Variants in FRMD5 observed in about 807,000 individuals in gnomAD.
The protein encoded by FRMD5 is FERM domain containing 5, also known as FERM domain-containing protein 5.
Under a neutral mutation model 69.0 loss-of-function variants are expected in FRMD5, and 20 were observed. The observed-to-expected ratio is 0.29, with a 90% CI of 0.20 to 0.42. The LOEUF (loss-of-function observed/expected upper bound fraction) is 0.42. Among genes scored for constraint, FRMD5 ranks in the 10% least tolerant of loss-of-function variants. The pLI is 1.00. For synonymous variants in FRMD5, 271 were observed against 260.1 expected, an observed-to-expected ratio of 1.04 and a Z score of -0.40; for missense variants, 595 against 708.6, an observed-to-expected ratio of 0.84 and a Z score of 1.82.
chr15:43,874,990 G>C (rs1024464904), intron 13 of FRMD5, among the ~76,000 whole-genome samples: 1 of 152,110 alleles, frequency 6.6e-6, no homozygotes, highest in African/African-American at 2.4e-5. Context: ...ATGAGGTAAG[G>C]AGTTCGAGAC....
At chr15:43,973,740 T>C (rs533582565) in intron 1 of FRMD5, among the ~76,000 whole-genome samples, 78 of 152,142 alleles carry the variant, frequency 5.1e-4, no homozygotes, top group African/African-American at 1.9e-3. Flanking sequence ...ATAATACAGC[T>C]ATTAAATCTT....
chr15:44,182,324 C>CTTTTT (rs71111843), intron 1 of FRMD5, among the ~76,000 whole-genome samples: 3 of 85,672 alleles, frequency 3.5e-5, no homozygotes, highest in African/African-American at 1.3e-4. Context: ...CATTGCTTTT[C>CTTTTT]TTTTTTTTTT....
chr15:43,984,038 C>G (rs757801874), intron 1 of FRMD5, among the ~76,000 whole-genome samples: 26 of 152,274 alleles, frequency 1.7e-4, no homozygotes, highest in Middle Eastern at 6.8e-3. Context: ...TAGGAAGTAG[C>G]AAAATTCTGT....
chr15:43,884,646 G>A (rs1567209190), intron 12 of FRMD5, 81 bp downstream of exon 12: 1 of 1,285,486 alleles, frequency 7.8e-7, no homozygotes, highest in Non-Finnish European at 1.1e-6. Context: ...GGAGCCAGGG[G>A]CTTCACAGTA....
chr15:44,171,836 T>C (rs2077809610), intron 1 of FRMD5, among the ~76,000 whole-genome samples: 1 of 152,210 alleles, frequency 6.6e-6, no homozygotes, highest in South Asian at 2.1e-4. Flanking sequence ...TGATCTAGGC[T>C]CACTGTAACT....
At chr15:44,021,484 A>C (rs1891206607) in intron 1 of FRMD5, among the ~76,000 whole-genome samples, 1 of 152,232 alleles carries the variant, frequency 6.6e-6, no homozygotes, top group Non-Finnish European at 1.5e-5. Flanking sequence ...TTATTTTAAA[A>C]ATAGGCAAAG....
intron 1 of FRMD5, among the ~76,000 whole-genome samples, chr15:44,006,695 A>G (rs951591786): frequency 6.6e-6 from 1 of 152,190 alleles, no homozygotes; most frequent in Non-Finnish European, 1.5e-5. Flanking sequence ...GTAACTGCAG[A>G]TGTGGTAGAG....
At chr15:44,113,169 T>C (rs759519511) in intron 1 of FRMD5, among the ~76,000 whole-genome samples, 1 of 152,176 alleles carries the variant, frequency 6.6e-6, no homozygotes, top group Non-Finnish European at 1.5e-5. Flanking sequence ...CTTGACAAGC[T>C]CTATGCCACT....
chr15:43,968,394 A>G (rs2090327448), intron 1 of FRMD5, among the ~76,000 whole-genome samples: 2 of 152,206 alleles, frequency 1.3e-5, no homozygotes, highest in African/African-American at 4.8e-5. Flanking sequence ...GAGCATTCCT[A>G]TTCGTACCAA....
At chr15:44,158,743 T>C (rs2077565599) in intron 1 of FRMD5, among the ~76,000 whole-genome samples, 1 of 152,234 alleles carries the variant, frequency 6.6e-6, no homozygotes, top group South Asian at 2.1e-4. Context: ...CATTCAATGC[T>C]AGCATGTGAT....
chr15:44,135,561 C>T (rs1397835431), intron 1 of FRMD5, among the ~76,000 whole-genome samples: 1 of 152,118 alleles, frequency 6.6e-6, no homozygotes, highest in African/African-American at 2.4e-5. Flanking sequence ...GGCATGGTGG[C>T]TCACGCCTGT....
At chr15:44,000,136 C>T (rs1047313649) in intron 1 of FRMD5, among the ~76,000 whole-genome samples, 3 of 151,548 alleles carry the variant, frequency 2.0e-5, no homozygotes, top group African/African-American at 4.9e-5. Flanking sequence ...GGACTATAGG[C>T]ATGCACCATG....
At position 44,122,869 on chromosome 15, in the gene FRMD5, C is replaced by T. The variant is rs527649969; in HGVS notation, c.102+72084G>A. Among the ~76,000 whole-genome samples, 154 of 149,268 alleles carry T rather than the reference C, an allele frequency of 1.0e-3. 1 individual carries two copies. The highest frequency in any genetic ancestry group is 3.7e-3 in the African/African-American group (151 of 40,738). On this transcript the variant is annotated intron_variant, in intron 1 of 13. Coordinates refer to ENST00000417257, the MANE Select transcript of FRMD5 (RefSeq NM_032892.5). ...TCGTGCCACTGCACTCCAGCCTGGA[C>T]GACAGAGCAAGACTCTGTATCAAAA...
At chr15:43,914,320 C>A (rs953459017) in intron 4 of FRMD5, among the ~76,000 whole-genome samples, 3 of 152,180 alleles carry the variant, frequency 2.0e-5, no homozygotes, top group Admixed American at 1.3e-4. Flanking sequence ...CCACTGGCTT[C>A]CCCTATTTAC....
At chr15:44,151,451 G>A (rs1482270971) in intron 1 of FRMD5, among the ~76,000 whole-genome samples, 1 of 150,272 alleles carries the variant, frequency 6.7e-6, no homozygotes, top group Non-Finnish European at 1.5e-5. Flanking sequence ...ACAAAAATCA[G>A]TTGGGTACTA....
Position 43,909,899 on chromosome 15 carries a change from G to A in FRMD5, c.410C>T (p.Ala137Val), listed in dbSNP as rs1344122592. Residue 137 changes from alanine to valine, a missense_variant, in exon 5 of 14, where the codon GCA (alanine) becomes GTA (valine). Ala to Val is a moderately conservative substitution (Grantham distance 64). This residue lies in a region of FRMD5 where 79 missense variants were observed against 139.9 expected (regional missense o/e 0.56). Coordinates refer to ENST00000417257, the MANE Select transcript of FRMD5 (RefSeq NM_032892.5). ...GTCATTACCTTGAAGGATGTAAGCT[G>A]CTAACAAGGCAGCATCCGATGTTTT... Reference protein sequence around the residue: ...LCKTSDAALLAAYILQAEIGD... With the variant: ...LCKTSDAALLVAYILQAEIGD... 1 of 1,610,852 alleles carries A rather than the reference G, an allele frequency of 6.2e-7. No individual in the cohort carries two copies. Among genetic ancestry groups the A allele is most frequent in the Non-Finnish European group, 8.5e-7 (1 of 1,177,424 alleles).
intron 1 of FRMD5, among the ~76,000 whole-genome samples, chr15:44,062,493 C>A (rs1479247201): frequency 6.6e-6 from 1 of 151,980 alleles, no homozygotes; most frequent in Non-Finnish European, 1.5e-5. Context: ...GAGTTCGAAA[C>A]CAGCCTGGCC....
At chr15:43,903,121 T>G (rs1350295308) in intron 6 of FRMD5, among the ~76,000 whole-genome samples, 1 of 152,182 alleles carries the variant, frequency 6.6e-6, no homozygotes, top group Non-Finnish European at 1.5e-5. Flanking sequence ...TTAGCAGGTG[T>G]GTTGATGGGC....
At chr15:44,093,443 T>C (rs563561765) in intron 1 of FRMD5, among the ~76,000 whole-genome samples, 2 of 152,236 alleles carry the variant, frequency 1.3e-5, no homozygotes, top group East Asian at 3.9e-4. Flanking sequence ...TGAAGAGTTA[T>C]TTAATCTGAA....
Sources: allele counts gnomAD v4.1 joint callset (sites outside exome capture counted in the v4.1 genomes callset), GRCh38; gene constraint gnomAD v4.1.1; regional missense constraint gnomAD v4.1.1; transcripts MANE v1.5; gene names NCBI Gene and HGNC (gene_info 2026-07-23, HGNC 2026-07-21).